The following P4HB variants were observed in gnomAD, a reference collection of about 807,000 sequenced individuals.
P4HB encodes the protein prolyl 4-hydroxylase subunit beta.
P4HB carries 20 observed loss-of-function variants against 52.6 expected under a neutral mutation model. That is an observed-to-expected ratio of 0.38 (90% CI 0.27 to 0.55). P4HB has a LOEUF of 0.55. Ranked by LOEUF, P4HB falls within the 20% of genes least tolerant of loss-of-function variation. The probability of loss-of-function intolerance (pLI) is 0.74; values close to 1 mark genes in which losing one functional copy is unlikely to be tolerated. For missense variants in P4HB, 601 were observed against 669.2 expected (o/e 0.90, Z 1.12); for synonymous variants, 296 against 277.9 (o/e 1.07, Z -0.65).
intron 2 of P4HB, among the ~76,000 whole-genome samples, chr17:81,857,913 A>C (rs2038936275): frequency 6.6e-6 from 1 of 152,214 alleles, no homozygotes; most frequent in Non-Finnish European, 1.5e-5. Context: ...TGCTCATCTC[A>C]TCTGCAAACC....
intron 2 of P4HB, among the ~76,000 whole-genome samples, chr17:81,857,029 C>T (rs1026775988): frequency 2.0e-5 from 3 of 152,134 alleles, no homozygotes; most frequent in Non-Finnish European, 4.4e-5. Context: ...GCAGTCCGCC[C>T]ACCTCGGCCT....
chr17:81,845,824 C>T (rs373121788), intron 8 of P4HB, 47 bp downstream of exon 8: 34 of 1,613,804 alleles, frequency 2.1e-5, no homozygotes, highest in Admixed American at 6.7e-5. Flanking sequence ...CTACCTTGCG[C>T]GTGCCCTGGT....
Position 81,859,300 on chromosome 17 carries a change from C to A in P4HB, c.233G>T (p.Arg78Met). The change falls in exon 2 of 11, where the codon AGG (arginine) becomes ATG (methionine). Residue 78 changes from arginine to methionine, a missense_variant. By Grantham distance (91) the Arg-to-Met change is moderately conservative. Transcript: ENST00000331483. ...GKLKAEGSEI[R>M]LAKVDATEES... The stretch of plus-strand genomic sequence containing the variant: ...CTCCGTGGCGTCCACCTTGGCCAAC[C>A]TGATCTCGGAACCTTCTGCCTTCAG... 2 of 1,614,044 alleles carry A rather than the reference C, an allele frequency of 1.2e-6. No homozygotes were observed. The highest frequency in any genetic ancestry group is 2.2e-5 in the South Asian group (2 of 91,088).
At chr17:81,844,995 G>C (rs1227577472) in intron 10 of P4HB, 149 bp downstream of exon 10, 2 of 633,574 alleles carry the variant, frequency 3.2e-6, no homozygotes, top group African/African-American at 3.6e-5. Context: ...TTGCCCTGCT[G>C]GGCGAAGGTG....
chr17:81,852,830 G>A (rs911597126), intron 4 of P4HB, among the ~76,000 whole-genome samples: 5 of 152,250 alleles, frequency 3.3e-5, no homozygotes, highest in African/African-American at 1.2e-4. Flanking sequence ...AGACATCCAG[G>A]GCACTGAAGG....
chr17:81,854,966 T>C (rs1346062268), intron 4 of P4HB, among the ~76,000 whole-genome samples, 176 bp downstream of exon 4: 1 of 150,386 alleles, frequency 6.6e-6, no homozygotes, highest in Non-Finnish European at 1.5e-5. Context: ...CACAGCTGAA[T>C]GCGAAGACCA....
rs1413308671 is a variant in P4HB, at chr17:81,855,684, G to A, written c.353-98C>T. On this transcript the variant is annotated intron_variant, in intron 2 of 10. Coordinates refer to ENST00000331483, the MANE Select transcript of P4HB (RefSeq NM_000918.4). The surrounding 1 kb of genome is among the most constrained non-coding windows in gnomAD (Gnocchi z 4.3). ...TCTGCTCTCTGCCAGCCAGGCTGAG[G>A]ACACCTGAATCAACCTAAGTAAGAT... 3.6e-6 allele frequency: 5 copies of A among 1,403,340 alleles called. No individual in the cohort carries two copies. The Admixed American group carries it at 6.3e-5, about 18-fold the overall frequency. 86.9% of individuals were successfully genotyped at this position (1,403,340 alleles called of 1,614,324 possible).
In P4HB at chr17:81,847,263, C is replaced by T. The variant is rs145040305; in HGVS notation, c.709G>A (p.Val237Ile). The change falls in exon 5 of 11, where the codon GTC becomes ATC. Residue 237 changes from valine to isoleucine, a missense_variant. By Grantham distance (29) the Val-to-Ile change is conservative. Transcript: ENST00000331483. ...CGCACCTGCTCGGTGAACTCGATGA[C>T]AAGGGGCAGCTGGTTGTGTTTGATA... Reference protein sequence around the residue: ...DFIKHNQLPLVIEFTEQTAPK... With the variant: ...DFIKHNQLPLIIEFTEQTAPK... The T allele has an allele frequency of 1.3e-4, 207 of 1,614,004 alleles. 1 individual carries two copies. The highest frequency in any genetic ancestry group is 1.5e-4 in the Admixed American group (9 of 60,006).
chr17:81,850,139 AT>A (rs112549314), intron 4 of P4HB, among the ~76,000 whole-genome samples: 2 of 117,662 alleles, frequency 1.7e-5, no homozygotes, highest in African/African-American at 3.2e-5. Context: ...AAACTATTTT[AT>A]TTTTTTTTTG....
At chr17:81,851,907 G>C (rs1436482921) in intron 4 of P4HB, among the ~76,000 whole-genome samples, 4 of 152,264 alleles carry the variant, frequency 2.6e-5, no homozygotes, top group African/African-American at 4.8e-5. Context: ...TGCAGGCCGG[G>C]TGGTATGGCT....
At position 81,845,550 on chromosome 17, in the gene P4HB, G is replaced by C. The variant is rs1362267436; in HGVS notation, c.1359+11C>G. ...GAGCCCGCCCCAGCCCCGTCTGGAG[G>C]GAAGGCGCACCGTCCTGTCGGCACT... On this transcript the variant is annotated intron_variant, in intron 9 of 10. Transcript: ENST00000331483. 4.4e-6 allele frequency: 7 copies of C among 1,580,580 alleles called. No homozygotes were observed. The highest frequency in any genetic ancestry group is 6.0e-6 in the Non-Finnish European group (7 of 1,158,914).
In P4HB at chr17:81,855,909, A is replaced by C; in HGVS notation, c.353-323T>G. On this transcript the variant is annotated intron_variant, in intron 2 of 10. Transcript: ENST00000331483. This position sits in a 1 kb window ranked among gnomAD's most constrained non-coding sequence, Gnocchi z 4.3. ...TTTTGACACAGGGGCTCACTCTGTT[A>C]CCCAGCTGGAGGGTAGTGGCAGAAT... 1 of 249,132 alleles carries C rather than the reference A, an allele frequency of 4.0e-6. No individual in the cohort carries two copies. Among genetic ancestry groups the C allele is most frequent in the Non-Finnish European group, 7.7e-6 (1 of 129,082 alleles). 15.4% of individuals were successfully genotyped at this position (249,132 alleles called of 1,614,324 possible). A position where few individuals can be genotyped will look rare whatever the true frequency, so the allele number is the denominator to read the frequency against.
chr17:81,859,459 C>T (rs2038963314), intron 1 of P4HB, 72 bp from the exon 2 acceptor site: 7 of 1,312,654 alleles, frequency 5.3e-6, no homozygotes, highest in African/African-American at 2.9e-5. Flanking sequence ...AGCAGTGCTT[C>T]CCTTTTTCCT....
Position 81,846,084 on chromosome 17 carries a change from G to A in P4HB, c.1057-93C>T. The A allele has an allele frequency of 7.1e-7, 1 of 1,405,866 alleles. No individual in the cohort carries two copies. The highest frequency in any genetic ancestry group is 1.4e-5 in the African/African-American group (1 of 69,092). The allele number at this position is 1,405,866 out of a possible 1,614,324, so 87.1% of individuals were successfully genotyped here. ...ACCCTGCCCGGGACTGAGGTGCGTG[G>A]CTGCCCTGGGCACACCAGGGTGGCA... On this transcript the variant is annotated intron_variant, in intron 7 of 10. Coordinates refer to ENST00000331483, the MANE Select transcript of P4HB (RefSeq NM_000918.4). The surrounding 1 kb of genome is among the most constrained non-coding windows in gnomAD (Gnocchi z 5.7).
chr17:81,845,392 G>A, intron 9 of P4HB, 162 bp from the exon 10 acceptor site: 3 of 837,006 alleles, frequency 3.6e-6, no homozygotes, highest in Non-Finnish European at 5.7e-6. Context: ...GCAATATAGT[G>A]AGATCCCATC....
In P4HB at chr17:81,855,284, A is replaced by C; in HGVS notation, c.487-5T>G. 6.2e-7 allele frequency: 1 copy of C among 1,613,730 alleles called. No individual in the cohort carries two copies. The highest frequency in any genetic ancestry group is 2.2e-5 in the East Asian group (1 of 44,870). The stretch of plus-strand genomic sequence containing the variant: ...GGCAGAGTCCGACTCCACGTCCTGA[A>C]TGAGGAGGGAGAAGCAGAGGTCGTC... On this transcript the variant is annotated splice_region_variant and splice_polypyrimidine_tract_variant and intron_variant, in intron 3 of 10. Transcript: ENST00000331483. This position sits in a 1 kb window ranked among gnomAD's most constrained non-coding sequence, Gnocchi z 4.3.
chr17:81,853,350 A>C (rs971948129), intron 4 of P4HB, among the ~76,000 whole-genome samples: 2 of 152,132 alleles, frequency 1.3e-5, no homozygotes, highest in Admixed American at 1.3e-4. Flanking sequence ...AGGCAGGCGG[A>C]TCATGAAGTC....
At chr17:81,857,578 A>G (rs2038931073) in intron 2 of P4HB, among the ~76,000 whole-genome samples, 1 of 152,158 alleles carries the variant, frequency 6.6e-6, no homozygotes, top group Non-Finnish European at 1.5e-5. Flanking sequence ...CCAGTTTTCT[A>G]CCTCTGGGAA....
At position 81,855,371 on chromosome 17, in the gene P4HB, T is replaced by G. The variant is rs1010264879; in HGVS notation, c.486+82A>C. The G allele has an allele frequency of 6.3e-7, 1 of 1,597,402 alleles. No homozygotes were observed. The highest frequency in any genetic ancestry group is 8.6e-7 in the Non-Finnish European group (1 of 1,168,260). Reference sequence around the variant, plus strand: ...TAGAGCCCAGGCCAGGGGGGACACGTGCAGAACTGCCAGCTGCAGGCTGTG... The same window carrying G: ...TAGAGCCCAGGCCAGGGGGGACACGGGCAGAACTGCCAGCTGCAGGCTGTG... On this transcript the variant is annotated intron_variant, in intron 3 of 10. Coordinates refer to ENST00000331483, the MANE Select transcript of P4HB (RefSeq NM_000918.4). The surrounding 1 kb of genome is among the most constrained non-coding windows in gnomAD (Gnocchi z 4.3).
Sources: allele counts gnomAD v4.1 joint callset (sites outside exome capture counted in the v4.1 genomes callset), GRCh38; gene constraint gnomAD v4.1.1; non-coding constraint Gnocchi (gnomAD v3.1); transcripts MANE v1.5; gene names NCBI Gene and HGNC (gene_info 2026-07-23, HGNC 2026-07-21).